Variants in DOCK1 observed in about 807,000 individuals in gnomAD.
DOCK1 encodes dedicator of cytokinesis protein 1.
DOCK1 carries 138 observed loss-of-function variants against 262.7 expected under a neutral mutation model. The observed-to-expected ratio is 0.53, with a 90% CI of 0.46 to 0.61. The LOEUF is 0.61. DOCK1 is among the 20% of genes least tolerant of loss of function. The probability of loss-of-function intolerance (pLI) is 0.00; values close to 1 mark genes in which losing one functional copy is unlikely to be tolerated. For synonymous variants in DOCK1, 866 were observed against 867.4 expected, an observed-to-expected ratio of 1.00 and a Z score of 0.03; for missense variants, 1,908 against 2,370.7, an observed-to-expected ratio of 0.80 and a Z score of 4.05.
chr10:127,314,560 A>C (rs1488080837), intron 29 of DOCK1, among the ~76,000 whole-genome samples: 1 of 152,190 alleles, frequency 6.6e-6, no homozygotes, highest in Non-Finnish European at 1.5e-5. Context: ...GTATGCATGT[A>C]CATAGAGGCA....
chr10:127,112,830 C>G (rs2048948536), intron 25 of DOCK1, among the ~76,000 whole-genome samples: 1 of 152,136 alleles, frequency 6.6e-6, no homozygotes, highest in Non-Finnish European at 1.5e-5. Flanking sequence ...TAGTGGTTGC[C>G]TAGAAGCATT....
chr10:127,058,550 T>A (rs1041389749), intron 22 of DOCK1, among the ~76,000 whole-genome samples: 3 of 152,012 alleles, frequency 2.0e-5, no homozygotes, highest in Non-Finnish European at 4.4e-5. Flanking sequence ...TGCATTAATT[T>A]TCCCTTCCCC....
chr10:126,924,178 G>A (rs1156274844), intron 1 of DOCK1, among the ~76,000 whole-genome samples: 1 of 130,792 alleles, frequency 7.6e-6, no homozygotes, highest in African/African-American at 2.7e-5. Flanking sequence ...TTGAGTGCTG[G>A]AACTGAGCAG....
chr10:127,304,965 A>G (rs144158093), intron 29 of DOCK1, among the ~76,000 whole-genome samples: 91 of 152,248 alleles, frequency 6.0e-4, no homozygotes, highest in Middle Eastern at 6.8e-3. Flanking sequence ...TGTTTTGCTT[A>G]CCTTTTATGT....
intron 27 of DOCK1, among the ~76,000 whole-genome samples, chr10:127,247,461 G>T (rs1038171264): frequency 6.6e-6 from 1 of 151,996 alleles, no homozygotes; most frequent in African/African-American, 2.4e-5. Flanking sequence ...GCCTTTCTTT[G>T]CCATGGCCCA....
At chr10:127,048,914 C>G (rs1362339950) in intron 21 of DOCK1, among the ~76,000 whole-genome samples, 1 of 152,184 alleles carries the variant, frequency 6.6e-6, no homozygotes, top group Admixed American at 6.5e-5. Flanking sequence ...ATACATAATG[C>G]TGGAACATGG....
rs191301094 is a variant in DOCK1 at position 126,918,719 on chromosome 10, G to A, written c.46+13156G>A. ...TGTCTCAGCCATTGCCAACTGTCCCGGGGGTAAGTGGGGCGGGATGGCCTA... is the reference window on the plus strand; with the variant it reads ...TGTCTCAGCCATTGCCAACTGTCCCAGGGGTAAGTGGGGCGGGATGGCCTA... On this transcript the variant is annotated intron_variant, in intron 1 of 51. Transcript: ENST00000623213. Among the ~76,000 whole-genome samples, 12 of 152,294 alleles carry A rather than the reference G, an allele frequency of 7.9e-5. No homozygotes were observed. The East Asian group carries it at 1.2e-3, about 15-fold the overall frequency.
chr10:127,269,065 C>T (rs1274482827), intron 29 of DOCK1, among the ~76,000 whole-genome samples: 1 of 152,154 alleles, frequency 6.6e-6, no homozygotes, highest in Non-Finnish European at 1.5e-5. Flanking sequence ...CAGGTCAAAT[C>T]CGTGCTCCAC....
chr10:126,940,696 G>T (rs992678855), intron 1 of DOCK1, among the ~76,000 whole-genome samples: 2 of 152,340 alleles, frequency 1.3e-5, no homozygotes, highest in South Asian at 4.1e-4. Context: ...GAGCCACTGC[G>T]CCTGGCCCAA....
At chr10:127,117,876 T>G (rs1446898921) in intron 25 of DOCK1, among the ~76,000 whole-genome samples, 1 of 152,192 alleles carries the variant, frequency 6.6e-6, no homozygotes, top group Non-Finnish European at 1.5e-5. Context: ...GTAACTAGCC[T>G]GGGACAGTGG....
intron 27 of DOCK1, among the ~76,000 whole-genome samples, chr10:127,185,569 C>T (rs908544054): frequency 6.6e-6 from 1 of 152,132 alleles, no homozygotes; most frequent in Admixed American, 6.5e-5. Flanking sequence ...AGCAAGAAGA[C>T]TTAGGATGAG....
At chr10:127,108,795 G>T (rs983605036) in intron 24 of DOCK1, among the ~76,000 whole-genome samples, 8 of 152,156 alleles carry the variant, frequency 5.3e-5, no homozygotes, top group African/African-American at 1.9e-4. Flanking sequence ...TTTGCACAAA[G>T]CACTTGTATT....
At chr10:127,324,967 G>A (rs2062694646) in intron 29 of DOCK1, among the ~76,000 whole-genome samples, 1 of 152,098 alleles carries the variant, frequency 6.6e-6, no homozygotes, top group Admixed American at 6.5e-5. Flanking sequence ...AGAACACAGG[G>A]TCCAGCGTTG....
At chr10:127,286,884 G>GTT (rs1019110473) in intron 29 of DOCK1, among the ~76,000 whole-genome samples, 1 of 135,152 alleles carries the variant, frequency 7.4e-6, no homozygotes, top group African/African-American at 2.8e-5. Context: ...TTTTCTTTTT[G>GTT]TTTTTTTTTG....
intron 2 of DOCK1, among the ~76,000 whole-genome samples, chr10:126,971,137 G>A (rs2038078489): frequency 2.7e-5 from 4 of 150,770 alleles, no homozygotes; most frequent in Non-Finnish European, 4.4e-5. Context: ...TGCAACCTCT[G>A]CCTCCCAGGT....
Position 127,154,742 on chromosome 10 carries a change from G to A in DOCK1, c.2847+26978G>A, listed in dbSNP as rs191403288. Among the ~76,000 whole-genome samples, 736 of 152,226 alleles carry A rather than the reference G, an allele frequency of 4.8e-3. 5 individuals are homozygous for A. The highest frequency in any genetic ancestry group is 8.4e-3 in the Non-Finnish European group (569 of 68,018). ...GGCAGATTTTGGCCTTTGTAGGGGA[G>A]GTTGCTAATTCTCCCCCCTAATTAA... On this transcript the variant is annotated intron_variant, in intron 27 of 51. Coordinates refer to ENST00000623213, the MANE Select transcript of DOCK1 (RefSeq NM_001290223.2).
In DOCK1 at chr10:127,153,854, A is replaced by G. The variant is rs1434345293; in HGVS notation, c.2847+26090A>G. 2.5e-6 allele frequency: 4 copies of G among 1,609,450 alleles called. No homozygotes were observed. In the African/African-American group the frequency reaches 5.3e-5, roughly 22 times the overall value. ...GGAAGAGGAGAATGTTAACATACCT[A>G]TAGATAATACATGCACTGTTCCTGC... On this transcript the variant is annotated intron_variant, in intron 27 of 51. Coordinates refer to ENST00000623213, the MANE Select transcript of DOCK1 (RefSeq NM_001290223.2).
At chr10:126,950,716 T>G (rs2036139954) in intron 1 of DOCK1, among the ~76,000 whole-genome samples, 2 of 152,132 alleles carry the variant, frequency 1.3e-5, no homozygotes, top group Non-Finnish European at 2.9e-5. Flanking sequence ...GCTCTTTGCC[T>G]CAGAGTCTTT....
chr10:126,910,847 A>C (rs932856361), intron 1 of DOCK1, among the ~76,000 whole-genome samples: 1 of 151,836 alleles, frequency 6.6e-6, no homozygotes, highest in African/African-American at 2.4e-5. Context: ...AGCTTTCGGG[A>C]TTGGCTTTTT....
Sources: gnomAD v4.1 joint callset for allele counts (sites outside exome capture counted in the v4.1 genomes callset) on GRCh38, gnomAD v4.1.1 for gene constraint, MANE v1.5 for transcripts, NCBI Gene and HGNC (gene_info 2026-07-23, HGNC 2026-07-21) for gene names.